The following CKMT2 variants were observed in gnomAD, a reference collection of about 807,000 sequenced individuals.
CKMT2 encodes creatine kinase S-type, mitochondrial.
Under a neutral mutation model 48.9 loss-of-function variants are expected in CKMT2, and 43 were observed. The observed-to-expected ratio is 0.88, with a 90% CI of 0.69 to 1.13. The LOEUF is 1.13. CKMT2 is among the 50% of genes most tolerant of loss of function. The probability of loss-of-function intolerance (pLI) is 0.00; values close to 1 mark genes in which losing one functional copy is unlikely to be tolerated. For missense variants in CKMT2, 472 were observed against 555.4 expected, an observed-to-expected ratio of 0.85 and a Z score of 1.51; for synonymous variants, 206 against 213.0, an observed-to-expected ratio of 0.97 and a Z score of 0.29.
At chr5:81,242,508 A>G (rs1267316811) in intron 1 of CKMT2, 1 of 490,768 alleles carries the variant, frequency 2.0e-6, no homozygotes, top group Admixed American at 2.2e-5. Context: ...AATTAGGTTG[A>G]TTTGGTGTTC....
chr5:81,233,687 G>C (rs911460705), intron 1 of CKMT2, among the ~76,000 whole-genome samples: 2 of 152,136 alleles, frequency 1.3e-5, no homozygotes, highest in Admixed American at 6.5e-5. Flanking sequence ...AAATCTAAAG[G>C]CTGTATTTTG....
chr5:81,255,043 C>T lies in CKMT2; in HGVS notation c.498C>T (p.Arg166=), dbSNP rs761802221. Reference sequence around the variant, plus strand: ...ATTACGTGCTGTCTTCTCGGGTGCGCACTGGCCGCAGCATCCGTGGGCTGA... The same window carrying T: ...ATTACGTGCTGTCTTCTCGGGTGCGTACTGGCCGCAGCATCCGTGGGCTGA... ...DEHYVLSSRV[R]TGRSIRGLSL... Residue 166 remains arginine (R), a synonymous_variant, in exon 5 of 10, where the codon CGC becomes CGT. Coordinates refer to ENST00000254035, the MANE Select transcript of CKMT2 (RefSeq NM_001099735.2). The T allele has an allele frequency of 2.5e-6, 4 of 1,613,956 alleles. No homozygotes were observed. In the South Asian group the frequency reaches 3.3e-5, roughly 13 times the overall value.
intron 8 of CKMT2, 120 bp from the exon 9 acceptor site, chr5:81,263,371 T>TTA (rs886573565): frequency 1.9e-4 from 46 of 240,314 alleles, no homozygotes; most frequent in African/African-American, 1.1e-3. Flanking sequence ...TATATATTTA[T>TTA]TATATATATA....
At chr5:81,234,488 G>T (rs1756195847) in intron 1 of CKMT2, among the ~76,000 whole-genome samples, 1 of 152,232 alleles carries the variant, frequency 6.6e-6, no homozygotes, top group Non-Finnish European at 1.5e-5. Flanking sequence ...TGTGGCCAGA[G>T]ACTTCCTGAC....
intron 7 of CKMT2, among the ~76,000 whole-genome samples, chr5:81,258,578 C>T (rs1164096905): frequency 2.0e-5 from 3 of 152,124 alleles, no homozygotes; most frequent in African/African-American, 7.2e-5. Context: ...AACCCCGGGG[C>T]CACGGACCTG....
Position 81,254,815 on chromosome 5 carries a change from C to T in CKMT2, c.448-178C>T, listed in dbSNP as rs1449440459. The stretch of plus-strand genomic sequence containing the variant: ...CTATATAAAACAGCTTTCCCCTTTA[C>T]TAGTCGAAGGTCCGTGCCCCAAGAC... On this transcript the variant is annotated intron_variant, in intron 4 of 9. Transcript: ENST00000254035. 9 of 627,246 alleles carry T rather than the reference C, an allele frequency of 1.4e-5. No individual in the cohort carries two copies. In the East Asian group the frequency reaches 2.2e-4, roughly 15 times the overall value. The allele number at this position is 627,246 out of a possible 1,614,324, so 38.9% of individuals were successfully genotyped here.
intron 5 of CKMT2, 93 bp downstream of exon 5, chr5:81,255,307 C>T: frequency 8.6e-7 from 1 of 1,162,644 alleles, no homozygotes; most frequent in Non-Finnish European, 1.2e-6. Context: ...TCAGTCCTTA[C>T]CCTAGCTGGG....
At chr5:81,258,821 T>C (rs1757105155) in intron 7 of CKMT2, among the ~76,000 whole-genome samples, 1 of 152,132 alleles carries the variant, frequency 6.6e-6, no homozygotes, top group Non-Finnish European at 1.5e-5. Context: ...TCCCAAAATA[T>C]TCCCTCCCTA....
rs202243261 is a variant in CKMT2, at chr5:81,255,060, G to A, written c.515G>A (p.Arg172His). Residue 172 changes from arginine (R) to histidine (H), a missense_variant, in exon 5 of 10, where the codon CGT becomes CAT. Physicochemically the swap from Arg to His is conservative, Grantham distance 29. Transcript: ENST00000254035. ...CGGGTGCGCACTGGCCGCAGCATCCGTGGGCTGAGCCTGCCTCCAGCCTGC... is the reference window on the plus strand; with the variant it reads ...CGGGTGCGCACTGGCCGCAGCATCCATGGGCTGAGCCTGCCTCCAGCCTGC... ...SSRVRTGRSI[R>H]GLSLPPACTR... The A allele has an allele frequency of 5.0e-6, 8 of 1,613,976 alleles. No homozygotes were observed. Among genetic ancestry groups the A allele is most frequent in the Middle Eastern group, 1.7e-4 (1 of 6,060 alleles).
At chr5:81,253,844 C>T (rs1006097376) in intron 3 of CKMT2, among the ~76,000 whole-genome samples, 4 of 152,172 alleles carry the variant, frequency 2.6e-5, no homozygotes, top group Non-Finnish European at 4.4e-5. Context: ...AGATTTTGCA[C>T]GAGATCATTT....
chr5:81,245,734 G>A (rs994438929), intron 1 of CKMT2, among the ~76,000 whole-genome samples: 8 of 152,162 alleles, frequency 5.3e-5, no homozygotes, highest in African/African-American at 1.9e-4. Context: ...AGACGGGGCA[G>A]CAGGTGATCA....
intron 1 of CKMT2, chr5:81,242,488 C>T: frequency 2.0e-6 from 1 of 496,984 alleles, no homozygotes; most frequent in Non-Finnish European, 3.9e-6. Flanking sequence ...AGTTTCTTGT[C>T]ATCAACCTTA....
At chr5:81,243,482 T>A (rs551254879) in intron 1 of CKMT2, among the ~76,000 whole-genome samples, 1 of 152,138 alleles carries the variant, frequency 6.6e-6, no homozygotes, top group Non-Finnish European at 1.5e-5. Flanking sequence ...AGCAAACCAA[T>A]ATTTTAAAAA....
At chr5:81,235,106 T>G (rs965010975) in intron 1 of CKMT2, among the ~76,000 whole-genome samples, 32 of 152,256 alleles carry the variant, frequency 2.1e-4, no homozygotes, top group African/African-American at 7.5e-4. Flanking sequence ...TGAAAACAAT[T>G]TACCCTTGAG....
rs375571146 is a variant in CKMT2 at position 81,247,769 on chromosome 5, A to G, written c.-20-3344A>G. On this transcript the variant is annotated intron_variant, in intron 1 of 9. Coordinates refer to ENST00000254035, the MANE Select transcript of CKMT2 (RefSeq NM_001099735.2). ...TTGTGTTCTGGCGAGACAAAAACAG[A>G]GTCAAGGAAGCAGGAATTCTTTGCT... Among the ~76,000 whole-genome samples the G allele has an allele frequency of 1.2e-4, 19 of 152,306 alleles. No homozygotes were observed. The East Asian group carries it at 2.1e-3, about 17-fold the overall frequency.
chr5:81,265,859 T>C (rs1451887130), intron 9 of CKMT2, among the ~76,000 whole-genome samples: 1 of 152,222 alleles, frequency 6.6e-6, no homozygotes, highest in Admixed American at 6.5e-5. Flanking sequence ...CAAACTCTGA[T>C]ATTTTATAGC....
intron 1 of CKMT2, among the ~76,000 whole-genome samples, chr5:81,248,030 C>T (rs1368478510): frequency 6.6e-6 from 1 of 152,160 alleles, no homozygotes; most frequent in Non-Finnish European, 1.5e-5. Context: ...TATGACACTT[C>T]AAACATTAAT....
chr5:81,256,990 A>G lies in CKMT2; in HGVS notation c.745A>G (p.Arg249Gly). 2 of 1,612,688 alleles carry G rather than the reference A, an allele frequency of 1.2e-6. No homozygotes were observed. Among genetic ancestry groups the G allele is most frequent in the Non-Finnish European group, 1.7e-6 (2 of 1,178,846 alleles). The change falls in exon 6 of 10, where the codon AGG (arginine) becomes GGG (glycine). Residue 249 changes from arginine to glycine, a missense_variant. Arg to Gly is a moderately radical substitution (Grantham distance 125, BLOSUM62 -2). Coordinates refer to ENST00000254035, the MANE Select transcript of CKMT2 (RefSeq NM_001099735.2). ...GATGGCCCGTGACTGGCCAGATGCCAGGGGAATCTGGTATGGATGCAGCAT... is the reference window on the plus strand; with the variant it reads ...GATGGCCCGTGACTGGCCAGATGCCGGGGGAATCTGGTATGGATGCAGCAT... Reference protein sequence around the residue: ...AGMARDWPDARGIWHNYDKTF... With the variant: ...AGMARDWPDAGGIWHNYDKTF...
chr5:81,257,091 C>A, intron 6 of CKMT2, 91 bp downstream of exon 6: 1 of 958,140 alleles, frequency 1.0e-6, no homozygotes, highest in South Asian at 1.5e-5. Context: ...CTGTGTACTG[C>A]AGTTGACAGC....
Sources: allele counts gnomAD v4.1 joint callset (sites outside exome capture counted in the v4.1 genomes callset), GRCh38; gene constraint gnomAD v4.1.1; transcripts MANE v1.5; gene names NCBI Gene and HGNC (gene_info 2026-07-23, HGNC 2026-07-21).